The following CNTNAP2 variants were observed in gnomAD, a reference collection of about 807,000 sequenced individuals.
CNTNAP2 encodes contactin-associated protein-like 2.
A neutral mutation model predicts 155.2 loss-of-function variants in CNTNAP2; 98 were observed. The ratio of observed to expected loss-of-function variants is 0.63; its 90% CI spans 0.54 to 0.75. CNTNAP2 has a LOEUF of 0.75. Ranked by LOEUF, CNTNAP2 falls within the 30% of genes least tolerant of loss-of-function variation. The probability of loss-of-function intolerance (pLI) is 0.00; values close to 1 mark genes in which losing one functional copy is unlikely to be tolerated. For synonymous variants in CNTNAP2, 651 were observed against 631.2 expected (o/e 1.03, Z -0.47); for missense variants, 1,727 against 1,688.1 (o/e 1.02, Z -0.40).
chr7:147,288,652 C>A (rs954704271), intron 8 of CNTNAP2, among the ~76,000 whole-genome samples: 2 of 152,162 alleles, frequency 1.3e-5, no homozygotes, highest in Admixed American at 1.3e-4. Context: ...ATGGCCAAAG[C>A]CAGATGAAAT....
At chr7:147,368,055 C>T (rs1372763299) in intron 9 of CNTNAP2, among the ~76,000 whole-genome samples, 1 of 86,762 alleles carries the variant, frequency 1.2e-5, no homozygotes, top group African/African-American at 5.1e-5. Context: ...CCCTCCCTCC[C>T]TTCCTCTCTC....
At chr7:147,116,542 A>C (rs1246431211) in intron 5 of CNTNAP2, among the ~76,000 whole-genome samples, 1 of 152,148 alleles carries the variant, frequency 6.6e-6, no homozygotes, top group African/African-American at 2.4e-5. Context: ...TGGGAAGAAG[A>C]ATGGATGGGG....
intron 1 of CNTNAP2, among the ~76,000 whole-genome samples, chr7:146,473,709 G>A (rs1202527863): frequency 6.6e-6 from 1 of 152,056 alleles, no homozygotes; most frequent in Non-Finnish European, 1.5e-5. Flanking sequence ...TTAGGCATTT[G>A]TTTTTGTGAT....
chr7:146,676,420 A>T (rs1800398475), intron 1 of CNTNAP2, among the ~76,000 whole-genome samples: 1 of 149,956 alleles, frequency 6.7e-6, no homozygotes. Flanking sequence ...GTACACTCCA[A>T]TTTGTGGCAG....
intron 13 of CNTNAP2, among the ~76,000 whole-genome samples, chr7:147,878,876 C>T (rs983144399): frequency 6.6e-6 from 1 of 152,182 alleles, no homozygotes; most frequent in African/African-American, 2.4e-5. Flanking sequence ...ATTGTTCTCA[C>T]CAGCTTTCTT....
chr7:147,234,771 A>C (rs1313813443), intron 8 of CNTNAP2, among the ~76,000 whole-genome samples: 1 of 152,044 alleles, frequency 6.6e-6, no homozygotes, highest in Non-Finnish European at 1.5e-5. Flanking sequence ...TTTATCGATG[A>C]GGCCGTTTGT....
chr7:147,043,466 GTTC>G (rs1288077074), intron 3 of CNTNAP2, among the ~76,000 whole-genome samples: 3 of 152,100 alleles, frequency 2.0e-5, no homozygotes, highest in Non-Finnish European at 2.9e-5. Context: ...GTGTTCAATT[GTTC>G]TTCTTCTCTC....
chr7:147,355,506 G>GT (rs1796048170), intron 9 of CNTNAP2, among the ~76,000 whole-genome samples: 1 of 152,012 alleles, frequency 6.6e-6, no homozygotes, highest in South Asian at 2.1e-4. Flanking sequence ...TCTAGGAGCT[G>GT]TATTTTTGAA....
intron 1 of CNTNAP2, among the ~76,000 whole-genome samples, chr7:146,537,598 G>A (rs1797888892): frequency 6.6e-6 from 1 of 152,220 alleles, no homozygotes; most frequent in East Asian, 1.9e-4. Context: ...CTTCTGGTGG[G>A]GAGGCCTTGC....
intron 8 of CNTNAP2, among the ~76,000 whole-genome samples, chr7:147,297,180 T>C (rs1386681893): frequency 6.6e-6 from 1 of 152,176 alleles, no homozygotes; most frequent in Non-Finnish European, 1.5e-5. Flanking sequence ...TCCAATGCTA[T>C]TTTTATTGCT....
chr7:147,845,247 C>G (rs1257333955), intron 13 of CNTNAP2, among the ~76,000 whole-genome samples: 1 of 102,118 alleles, frequency 9.8e-6, no homozygotes, highest in Non-Finnish European at 2.0e-5. Context: ...GGTTGGTAAA[C>G]TATTGATTAT....
intron 15 of CNTNAP2, among the ~76,000 whole-genome samples, chr7:148,084,106 A>G (rs1186317374): frequency 1.3e-5 from 2 of 152,236 alleles, no homozygotes; most frequent in Admixed American, 6.5e-5. Context: ...AAATTTTCAC[A>G]GGAGACTTTA....
chr7:147,965,123 G>A (rs1801183200), intron 14 of CNTNAP2, among the ~76,000 whole-genome samples: 1 of 152,248 alleles, frequency 6.6e-6, no homozygotes, highest in South Asian at 2.1e-4. Context: ...TGAAATGAGA[G>A]GACCCTGGAG....
At chr7:146,417,001 G>A (rs1795946870) in intron 1 of CNTNAP2, among the ~76,000 whole-genome samples, 1 of 152,056 alleles carries the variant, frequency 6.6e-6, no homozygotes, top group Non-Finnish European at 1.5e-5. Flanking sequence ...TCTAAGTGAG[G>A]ACAACTTGGA....
chr7:146,927,563 A>T (rs990761179), intron 3 of CNTNAP2, among the ~76,000 whole-genome samples: 2 of 152,164 alleles, frequency 1.3e-5, no homozygotes, highest in African/African-American at 4.8e-5. Flanking sequence ...AAGATATACA[A>T]TATACAATTT....
intron 3 of CNTNAP2, among the ~76,000 whole-genome samples, chr7:147,024,377 G>T (rs1220357902): frequency 6.6e-6 from 1 of 152,182 alleles, no homozygotes; most frequent in Non-Finnish European, 1.5e-5. Context: ...CTGTAGTTTA[G>T]TTAATTTTAT....
chr7:147,091,098 A>T (rs1381534186), intron 4 of CNTNAP2, among the ~76,000 whole-genome samples: 1 of 152,054 alleles, frequency 6.6e-6, no homozygotes, highest in Admixed American at 6.5e-5. Flanking sequence ...TATGTAGTTG[A>T]ATCAATAGCA....
intron 17 of CNTNAP2, among the ~76,000 whole-genome samples, chr7:148,166,871 G>T (rs566632284): frequency 6.6e-6 from 1 of 152,054 alleles, no homozygotes; most frequent in Admixed American, 6.6e-5. Context: ...TCTACAGAGC[G>T]CAGAAGTGGA....
intron 15 of CNTNAP2, among the ~76,000 whole-genome samples, chr7:148,026,903 C>T (rs1422931320): frequency 3.3e-5 from 5 of 152,202 alleles, no homozygotes; most frequent in East Asian, 1.9e-4. Context: ...AACCCTTTCT[C>T]GTACCATTAA....
Sources: gnomAD v4.1 joint callset for allele counts (sites outside exome capture counted in the v4.1 genomes callset) on GRCh38, gnomAD v4.1.1 for gene constraint, MANE v1.5 for transcripts, NCBI Gene and HGNC (gene_info 2026-07-23, HGNC 2026-07-21) for gene names.